The following PRR16 variants were observed in gnomAD, a reference collection of about 807,000 sequenced individuals.
The protein encoded by PRR16 is proline rich 16.
PRR16 carries 6 observed loss-of-function variants against 18.2 expected under a neutral mutation model. The observed-to-expected ratio is 0.33, with a 90% confidence interval of 0.18 to 0.65. PRR16 has a LOEUF of 0.65. Among genes scored for constraint, PRR16 ranks in the 30% least tolerant of loss-of-function variants. The pLI, the probability that PRR16 is intolerant of heterozygous loss-of-function variation, is 0.74. For missense variants in PRR16, 412 were observed against 376.6 expected, an observed-to-expected ratio of 1.09 and a Z score of -0.78; for synonymous variants, 151 against 147.8, an observed-to-expected ratio of 1.02 and a Z score of -0.16.
chr5:120,704,233 A>G, the PRR16 span, among the ~76,000 whole-genome samples: 3 of 152,196 alleles, frequency 2.0e-5, no homozygotes, highest in Non-Finnish European at 4.4e-5. Flanking sequence ...AGATAGTGCT[A>G]TGGAAAGCTG....
At chr5:120,490,767 TC>T (rs1475321889) in intron 1 of PRR16, among the ~76,000 whole-genome samples, 1 of 139,982 alleles carries the variant, frequency 7.1e-6, no homozygotes, top group Non-Finnish European at 1.6e-5. Flanking sequence ...TCTGTTTTTT[TC>T]CCCATCTTTG....
intron 1 of PRR16, among the ~76,000 whole-genome samples, chr5:120,675,784 A>G (rs144519331): frequency 2.0e-3 from 311 of 152,298 alleles, no homozygotes; most frequent in African/African-American, 7.0e-3. Flanking sequence ...ATCCAATTGA[A>G]CACACAGAAA....
At chr5:120,718,350 C>G in the PRR16 span, among the ~76,000 whole-genome samples, 29,244 of 151,998 alleles carry the variant, frequency 0.19, 3,396 homozygotes, top group Non-Finnish European at 0.25. Context: ...CAAGAAGACA[C>G]ACAACTCTGG....
the PRR16 span, among the ~76,000 whole-genome samples, chr5:120,714,521 C>T: frequency 6.6e-6 from 1 of 152,142 alleles, no homozygotes; most frequent in Admixed American, 6.5e-5. Context: ...GAAATAGGGA[C>T]ATTTTTACAC....
chr5:120,492,244 C>T lies in PRR16; in HGVS notation c.159+27599C>T, dbSNP rs1057204497. On this transcript the variant is annotated intron_variant, in intron 1 of 1. Transcript: ENST00000407149. ...AGACTGCAGGCATGCATCCCCATGC[C>T]CGCTAATTTGAGTGTGTGTGTGTGT... Among the ~76,000 whole-genome samples, 4 of 130,206 alleles carry T rather than the reference C, an allele frequency of 3.1e-5. No individual in the cohort carries two copies. The South Asian group carries it at 1.2e-3, about 38-fold the overall frequency. The allele number at this position is 130,206 out of a possible 152,430, so 85.4% of individuals were successfully genotyped here.
intron 1 of PRR16, among the ~76,000 whole-genome samples, chr5:120,546,749 A>G (rs1339460573): frequency 1.3e-5 from 2 of 152,046 alleles, no homozygotes; most frequent in East Asian, 3.9e-4. Context: ...AGGGCAGTCA[A>G]GCCCCCAAAC....
chr5:120,665,967 T>G (rs1329533662), intron 1 of PRR16, among the ~76,000 whole-genome samples: 7 of 152,066 alleles, frequency 4.6e-5, no homozygotes, highest in African/African-American at 1.7e-4. Flanking sequence ...ATGTGAACTT[T>G]AAAGTAGTTT....
the PRR16 span, among the ~76,000 whole-genome samples, chr5:120,775,867 C>T: frequency 4.0e-4 from 57 of 143,224 alleles, 1 homozygote; most frequent in South Asian, 8.8e-4. Flanking sequence ...AGGCTGGTCT[C>T]GAACTCTTGA....
intron 1 of PRR16, among the ~76,000 whole-genome samples, chr5:120,573,271 A>G (rs1752963195): frequency 6.6e-6 from 1 of 152,162 alleles, no homozygotes; most frequent in East Asian, 1.9e-4. Context: ...ATATCCAGAA[A>G]GTGTCATGAC....
At chr5:120,596,841 G>A (rs914338516) in intron 1 of PRR16, among the ~76,000 whole-genome samples, 1 of 150,928 alleles carries the variant, frequency 6.6e-6, no homozygotes, top group Non-Finnish European at 1.5e-5. Flanking sequence ...TGTCTGGTTT[G>A]TATTATATGT....
At chr5:120,722,516 T>C in the PRR16 span, among the ~76,000 whole-genome samples, 2 of 152,082 alleles carry the variant, frequency 1.3e-5, no homozygotes, top group Non-Finnish European at 2.9e-5. Context: ...ATTATATCTT[T>C]CAGTGATTTA....
chr5:120,533,930 T>C (rs1410177470), intron 1 of PRR16, among the ~76,000 whole-genome samples: 1 of 152,148 alleles, frequency 6.6e-6, no homozygotes, highest in East Asian at 1.9e-4. Flanking sequence ...GTTGAAAGTA[T>C]AACAAGGCTT....
chr5:120,708,163 C>T, the PRR16 span, among the ~76,000 whole-genome samples: 4 of 152,180 alleles, frequency 2.6e-5, no homozygotes, highest in African/African-American at 9.7e-5. Context: ...CCAGTTAAAT[C>T]TCCTAAATTT....
intron 1 of PRR16, among the ~76,000 whole-genome samples, chr5:120,479,040 T>C (rs932690777): frequency 4.6e-5 from 7 of 152,034 alleles, no homozygotes; most frequent in African/African-American, 1.7e-4. Context: ...GTAATATCAC[T>C]CTGGCTTCTT....
chr5:120,544,096 G>A (rs760774317), intron 1 of PRR16, among the ~76,000 whole-genome samples: 1 of 152,128 alleles, frequency 6.6e-6, no homozygotes, highest in African/African-American at 2.4e-5. Context: ...TAAACCAAAA[G>A]TGACAAATAC....
At chr5:120,699,306 T>C in the PRR16 span, among the ~76,000 whole-genome samples, 7 of 152,214 alleles carry the variant, frequency 4.6e-5, no homozygotes, top group South Asian at 1.2e-3. Context: ...TCTTTGCTGG[T>C]GTGTGGCGAT....
chr5:120,485,747 C>G (rs1749776233), intron 1 of PRR16, among the ~76,000 whole-genome samples: 1 of 152,236 alleles, frequency 6.6e-6, no homozygotes, highest in South Asian at 2.1e-4. Flanking sequence ...GTGCTGCACC[C>G]ATCAACCCGT....
At chr5:120,745,895 G>A in the PRR16 span, among the ~76,000 whole-genome samples, 1 of 129,946 alleles carries the variant, frequency 7.7e-6, no homozygotes, top group East Asian at 2.2e-4. Flanking sequence ...GCAGAGACAA[G>A]GGTTTCACCA....
intron 1 of PRR16, among the ~76,000 whole-genome samples, chr5:120,484,411 A>G (rs1398326517): frequency 6.9e-6 from 1 of 145,854 alleles, no homozygotes; most frequent in Admixed American, 7.0e-5. Context: ...AAGAATATAT[A>G]CCAATTCTTA....
Sources: gnomAD v4.1 joint callset for allele counts (sites outside exome capture counted in the v4.1 genomes callset) on GRCh38, gnomAD v4.1.1 for gene constraint, MANE v1.5 for transcripts, NCBI Gene and HGNC (gene_info 2026-07-23, HGNC 2026-07-21) for gene names.